The following CNTNAP2 variants were observed in gnomAD, a reference collection of about 807,000 sequenced individuals.
The protein encoded by CNTNAP2 is contactin-associated protein-like 2.
Under a neutral mutation model 155.2 loss-of-function variants are expected in CNTNAP2, and 98 were observed. That is an observed-to-expected ratio of 0.63 (90% CI 0.54 to 0.75). CNTNAP2 has a LOEUF of 0.75. CNTNAP2 is among the 30% of genes least tolerant of loss of function. CNTNAP2 has a pLI of 0.00. For synonymous variants in CNTNAP2, 651 were observed against 631.2 expected (o/e 1.03, Z -0.47); for missense variants, 1,727 against 1,688.1 (o/e 1.02, Z -0.40).
At chr7:147,934,701 A>G (rs1585036795) in intron 14 of CNTNAP2, among the ~76,000 whole-genome samples, 1 of 152,256 alleles carries the variant, frequency 6.6e-6, no homozygotes, top group African/African-American at 2.4e-5. Context: ...CTTGGATCAA[A>G]GTAACCCTAC....
intron 19 of CNTNAP2, among the ~76,000 whole-genome samples, chr7:148,227,225 T>C (rs1027710482): frequency 6.6e-6 from 1 of 152,126 alleles, no homozygotes; most frequent in African/African-American, 2.4e-5. Context: ...AGATGAGGCC[T>C]GAGAGGGACA....
At chr7:146,960,951 T>A (rs1797546361) in intron 3 of CNTNAP2, among the ~76,000 whole-genome samples, 1 of 152,218 alleles carries the variant, frequency 6.6e-6, no homozygotes, top group Admixed American at 6.5e-5. Flanking sequence ...CCTTTGCTAC[T>A]CCTTTTGAAT....
chr7:146,254,732 G>A (rs1799811703), intron 1 of CNTNAP2, among the ~76,000 whole-genome samples: 1 of 152,098 alleles, frequency 6.6e-6, no homozygotes, highest in Non-Finnish European at 1.5e-5. Flanking sequence ...TTAGGTAAAA[G>A]AGAGTCTTGC....
At chr7:146,437,841 AC>A (rs1796264787) in intron 1 of CNTNAP2, among the ~76,000 whole-genome samples, 1 of 150,606 alleles carries the variant, frequency 6.6e-6, no homozygotes, top group African/African-American at 2.5e-5. Context: ...TGGATTTTGG[AC>A]TAAGACACTG....
intron 21 of CNTNAP2, among the ~76,000 whole-genome samples, chr7:148,323,422 G>A (rs1408322026): frequency 6.8e-6 from 1 of 146,066 alleles, no homozygotes; most frequent in Non-Finnish European, 1.5e-5. Context: ...GATTCTAAGA[G>A]GTAGTACACT....
chr7:147,478,245 C>T (rs988765921), intron 10 of CNTNAP2, among the ~76,000 whole-genome samples: 7 of 152,006 alleles, frequency 4.6e-5, no homozygotes, highest in South Asian at 2.1e-4. Flanking sequence ...CTCTGCCTCC[C>T]GGGTTCAAGT....
intron 3 of CNTNAP2, among the ~76,000 whole-genome samples, chr7:146,848,256 G>A (rs1333431822): frequency 2.0e-5 from 3 of 152,124 alleles, no homozygotes; most frequent in Admixed American, 6.5e-5. Flanking sequence ...ACGAGAAAGA[G>A]GAATAAGCAT....
intron 20 of CNTNAP2, among the ~76,000 whole-genome samples, chr7:148,232,955 C>T (rs1174582895): frequency 1.3e-5 from 2 of 152,198 alleles, no homozygotes; most frequent in Non-Finnish European, 2.9e-5. Context: ...ACCCAGTCTC[C>T]ACATAGATAA....
intron 13 of CNTNAP2, among the ~76,000 whole-genome samples, chr7:147,654,441 G>T (rs1795494635): frequency 6.6e-6 from 1 of 152,074 alleles, no homozygotes; most frequent in Non-Finnish European, 1.5e-5. Flanking sequence ...TTTCCTTCCA[G>T]TCTGGGAATA....
chr7:146,611,390 C>T (rs1222964935), intron 1 of CNTNAP2, among the ~76,000 whole-genome samples: 4 of 152,114 alleles, frequency 2.6e-5, no homozygotes, highest in African/African-American at 9.7e-5. Context: ...CGCACCTGGT[C>T]TATTTTGCTT....
chr7:147,701,109 T>C (rs1796230543), intron 13 of CNTNAP2, among the ~76,000 whole-genome samples: 1 of 152,194 alleles, frequency 6.6e-6, no homozygotes, highest in Middle Eastern at 3.2e-3. Flanking sequence ...CACACATAAC[T>C]CCTTAGAGAT....
chr7:146,186,414 G>A (rs1177767870), intron 1 of CNTNAP2, among the ~76,000 whole-genome samples: 1 of 152,018 alleles, frequency 6.6e-6, no homozygotes, highest in Non-Finnish European at 1.5e-5. Flanking sequence ...AATTTGATTT[G>A]ATATATGCTT....
chr7:146,933,728 A>C (rs1796839535), intron 3 of CNTNAP2, among the ~76,000 whole-genome samples: 1 of 151,828 alleles, frequency 6.6e-6, no homozygotes, highest in Non-Finnish European at 1.5e-5. Flanking sequence ...CAATGAACTC[A>C]AACAAATTTA....
intron 12 of CNTNAP2, among the ~76,000 whole-genome samples, chr7:147,609,392 A>G (rs1309974862): frequency 2.6e-5 from 4 of 152,202 alleles, no homozygotes; most frequent in Admixed American, 6.5e-5. Flanking sequence ...TTAGCCAGGC[A>G]TGGTGGCGGG....
chr7:147,009,752 T>C (rs1798590488), intron 3 of CNTNAP2, among the ~76,000 whole-genome samples: 2 of 152,274 alleles, frequency 1.3e-5, no homozygotes, highest in Admixed American at 1.3e-4. Flanking sequence ...TTCTATAGAC[T>C]TCCTTCTACC....
intron 1 of CNTNAP2, among the ~76,000 whole-genome samples, chr7:146,172,496 T>A (rs1266468192): frequency 6.6e-6 from 1 of 152,138 alleles, no homozygotes; most frequent in Non-Finnish European, 1.5e-5. Flanking sequence ...TTGAATTTAT[T>A]CTCCTTTTTG....
chr7:147,999,868 C>T (rs1430627480), intron 15 of CNTNAP2, among the ~76,000 whole-genome samples: 1 of 152,136 alleles, frequency 6.6e-6, no homozygotes, highest in Admixed American at 6.5e-5. Context: ...GAGAGAGGCA[C>T]GGGTGAACAT....
At chr7:147,511,861 T>C (rs143735789) in intron 11 of CNTNAP2, among the ~76,000 whole-genome samples, 2 of 152,256 alleles carry the variant, frequency 1.3e-5, no homozygotes, top group East Asian at 3.9e-4. Flanking sequence ...TGACTTTACA[T>C]GAGCAAAGAA....
At chr7:146,860,518 G>A (rs1359578231) in intron 3 of CNTNAP2, among the ~76,000 whole-genome samples, 1 of 152,114 alleles carries the variant, frequency 6.6e-6, no homozygotes, top group East Asian at 1.9e-4. Context: ...TTCTAGAACA[G>A]CCCCTGCAGT....
Sources: gnomAD v4.1 joint callset for allele counts (sites outside exome capture counted in the v4.1 genomes callset) on GRCh38, gnomAD v4.1.1 for gene constraint, MANE v1.5 for transcripts, NCBI Gene and HGNC (gene_info 2026-07-23, HGNC 2026-07-21) for gene names.